The following CAPN11 variants were observed in gnomAD, a reference collection of about 807,000 sequenced individuals.
CAPN11 encodes calpain 11.
In CAPN11, 108 loss-of-function variants were observed where a neutral mutation model predicts 105.3. The ratio of observed to expected loss-of-function variants is 1.03; its 90% CI spans 0.88 to 1.20. The LOEUF (loss-of-function observed/expected upper bound fraction) is 1.20. CAPN11 is among the 50% of genes most tolerant of loss of function. The probability of loss-of-function intolerance (pLI) is 0.00; values close to 1 mark genes in which losing one functional copy is unlikely to be tolerated. For synonymous variants in CAPN11, 329 were observed against 344.5 expected, an observed-to-expected ratio of 0.96 and a Z score of 0.50; for missense variants, 883 against 924.8, an observed-to-expected ratio of 0.95 and a Z score of 0.59.
At chr6:44,181,673 T>TACAC (rs780924378) in intron 19 of CAPN11, among the ~76,000 whole-genome samples, 1 of 3,460 alleles carries the variant, frequency 2.9e-4, no homozygotes, top group Non-Finnish European at 5.3e-4. Context: ...CACACACACA[T>TACAC]ACTCACATAC....
intron 2 of CAPN11, among the ~76,000 whole-genome samples, chr6:44,167,866 T>C (rs1185505714): frequency 3.3e-5 from 5 of 150,996 alleles, no homozygotes; most frequent in Non-Finnish European, 7.4e-5. Context: ...CAGTGAGCCA[T>C]GATCAAGCCA....
chr6:44,180,995 G>A lies in CAPN11; in HGVS notation c.1867G>A (p.Asp623Asn), dbSNP rs746096764. 6.2e-7 allele frequency: 1 copy of A among 1,612,964 alleles called. No homozygotes were observed. Among genetic ancestry groups the A allele is most frequent in the Non-Finnish European group, 8.5e-7 (1 of 1,179,050 alleles). Residue 623 changes from aspartate to asparagine, a missense_variant and splice_region_variant, in exon 18 of 23, where the codon GAT (aspartate) becomes AAT (asparagine). Coordinates refer to ENST00000398776, the MANE Select transcript of CAPN11 (RefSeq NM_007058.4). Reference protein sequence around the residue: ...DACRCMINLMDKDGSGKLGLL... With the variant: ...DACRCMINLMNKDGSGKLGLL... Reference sequence around the variant, plus strand: ...TTGCCGCTGCATGATCAACCTCATGGATGTATCCTCCTGTCCAGTGCTCTC... The same window carrying A: ...TTGCCGCTGCATGATCAACCTCATGAATGTATCCTCCTGTCCAGTGCTCTC...
chr6:44,182,828 C>G, intron 19 of CAPN11, 113 bp from the exon 20 acceptor site: 1 of 733,800 alleles, frequency 1.4e-6, no homozygotes, highest in East Asian at 2.7e-5. Context: ...CCTGCCTCGG[C>G]CTTTCAAAGT....
Position 44,158,868 on chromosome 6 carries a change from G to A in CAPN11, c.16+4G>A. 1 of 1,551,130 alleles carries A rather than the reference G, an allele frequency of 6.4e-7. No homozygotes were observed. Among genetic ancestry groups the A allele is most frequent in the Non-Finnish European group, 8.7e-7 (1 of 1,146,580 alleles). ...ACCAGCATGCTGTACTCCCCAGGTA[G>A]GCACTCATGGGGCCTTGCCCCACTC... On this transcript the variant is annotated splice_donor_region_variant and intron_variant, in intron 1 of 22. Transcript: ENST00000398776.
chr6:44,179,861 C>A, intron 13 of CAPN11, 91 bp from the exon 14 acceptor site: 1 of 1,096,420 alleles, frequency 9.1e-7, no homozygotes, highest in Non-Finnish European at 1.4e-6. Context: ...CACCTACCTC[C>A]AACCCTGCCC....
At position 44,182,991 on chromosome 6, in the gene CAPN11, T is replaced by C. The variant is rs372997353; in HGVS notation, c.1989T>C (p.Tyr663=). 1.9e-6 allele frequency: 3 copies of C among 1,611,816 alleles called. No individual in the cohort carries two copies. The highest frequency in any genetic ancestry group is 2.5e-6 in the Non-Finnish European group (3 of 1,178,566). The change falls in exon 20 of 23, where the codon TAT becomes TAC. Residue 663 remains tyrosine (Y), a synonymous_variant. Coordinates refer to ENST00000398776, the MANE Select transcript of CAPN11 (RefSeq NM_007058.4). ...DQDHSGTLNS[Y]EMRLVIEKAG... ...ACCATTCAGGCACCTTGAACTCCTA[T>C]GAGATGCGCCTGGTTATTGAGAAAG...
At chr6:44,165,546 A>G (rs1035575679) in intron 1 of CAPN11, among the ~76,000 whole-genome samples, 1 of 152,204 alleles carries the variant, frequency 6.6e-6, no homozygotes, top group Admixed American at 6.5e-5. Flanking sequence ...AGGGTGCAGT[A>G]GACAATGCAA....
chr6:44,180,941 T>C lies in CAPN11; in HGVS notation c.1813T>C (p.Phe605Leu). 6.2e-7 allele frequency: 1 copy of C among 1,613,630 alleles called. No homozygotes were observed. Among genetic ancestry groups the C allele is most frequent in the Non-Finnish European group, 8.5e-7 (1 of 1,179,688 alleles). ...LNRMAIKFKS[F>L]KTKGFGLDAC... ...CCTTCCCTTCCTCACAGTCAAAAGC[T>C]TCAAGACCAAGGGCTTTGGCCTGGA... is the stretch of plus-strand genomic sequence containing the variant. The change falls in exon 18 of 23, where the codon TTC (phenylalanine) becomes CTC (leucine). Residue 605 changes from phenylalanine to leucine, a missense_variant. Physicochemically the swap from Phe to Leu is conservative, Grantham distance 22 (BLOSUM62 0). Coordinates refer to ENST00000398776, the MANE Select transcript of CAPN11 (RefSeq NM_007058.4).
In CAPN11 at chr6:44,166,632, T is replaced by G. The variant is rs989208474; in HGVS notation, c.17-126T>G. On this transcript the variant is annotated intron_variant, in intron 1 of 22. Coordinates refer to ENST00000398776, the MANE Select transcript of CAPN11 (RefSeq NM_007058.4). Reference sequence around the variant, plus strand: ...AACCCCAGAACCCTGCTGCCCTCCCTGTAGCTGCGCCCCAACCCAGTTCTT... The same window carrying G: ...AACCCCAGAACCCTGCTGCCCTCCCGGTAGCTGCGCCCCAACCCAGTTCTT... 20 of 708,444 alleles carry G rather than the reference T, an allele frequency of 2.8e-5. No homozygotes were observed. The Admixed American group carries it at 3.4e-4, about 12-fold the overall frequency. The allele number at this position is 708,444 out of a possible 1,614,324, so 43.9% of individuals were successfully genotyped here.
chr6:44,180,694 A>T, intron 16 of CAPN11, 32 bp downstream of exon 16: 1 of 1,613,234 alleles, frequency 6.2e-7, no homozygotes. Context: ...GGCTGACAGG[A>T]GGGGGATGAG....
chr6:44,183,987 G>T lies in CAPN11; in HGVS notation c.*55G>T. 6.5e-7 allele frequency: 1 copy of T among 1,546,208 alleles called. No individual in the cohort carries two copies. The highest frequency in any genetic ancestry group is 8.8e-7 in the Non-Finnish European group (1 of 1,142,636). On this transcript the variant is annotated 3_prime_UTR_variant, in exon 23 of 23. Coordinates refer to ENST00000398776, the MANE Select transcript of CAPN11 (RefSeq NM_007058.4). ...CAGCAGCAGCAGCAGCGAGGTTCTA[G>T]CCCAGGAGGGTGGGGTGCTTCTTGT...
chr6:44,176,708 C>T, intron 10 of CAPN11, 53 bp downstream of exon 10: 2 of 1,559,934 alleles, frequency 1.3e-6, no homozygotes, highest in Admixed American at 1.8e-5. Context: ...CCTGGTCCTT[C>T]ATCTCCCTGC....
Position 44,182,041 on chromosome 6 carries a change from C to CCACA in CAPN11, c.1938+730_1938+733dup, listed in dbSNP as rs768249934. Reference sequence around the variant, plus strand: ...ACACTCACATACAGACACAACCACACCACACACACACATACAGACACAACC... The same window carrying CCACA: ...ACACTCACATACAGACACAACCACACCACACACACACACACATACAGACACAACC... On this transcript the variant is annotated intron_variant, in intron 19 of 22. Transcript: ENST00000398776. Among the ~76,000 whole-genome samples, 3 of 12,350 alleles carry CCACA rather than the reference C, an allele frequency of 2.4e-4. 1 individual carries two copies. In the Admixed American group the frequency reaches 2.6e-3, roughly 11 times the overall value. 8.1% of individuals were successfully genotyped at this position (12,350 alleles called of 152,430 possible).
chr6:44,171,756 T>C (rs1771044055), intron 4 of CAPN11, among the ~76,000 whole-genome samples: 2 of 152,040 alleles, frequency 1.3e-5, no homozygotes, highest in Admixed American at 1.3e-4. Flanking sequence ...AACAAAAGGA[T>C]GTGTCTCTCA....
rs372521717 is a variant in CAPN11 at position 44,171,939 on chromosome 6, G to A, written c.410-363G>A. Among the ~76,000 whole-genome samples, 38 of 152,214 alleles carry A rather than the reference G, an allele frequency of 2.5e-4. 1 individual carries two copies. Among genetic ancestry groups the A allele is most frequent in the African/African-American group, 9.1e-4 (38 of 41,534 alleles). On this transcript the variant is annotated intron_variant, in intron 4 of 22. Coordinates refer to ENST00000398776, the MANE Select transcript of CAPN11 (RefSeq NM_007058.4). ...AAATTAGCCAGGTGGGGTGGCGGGCGCCTGTGGTCCCAGCTACTCAGGAGG... is the reference window on the plus strand; with the variant it reads ...AAATTAGCCAGGTGGGGTGGCGGGCACCTGTGGTCCCAGCTACTCAGGAGG...
At chr6:44,160,606 GA>G (rs1297079561) in intron 1 of CAPN11, among the ~76,000 whole-genome samples, 1 of 152,060 alleles carries the variant, frequency 6.6e-6, no homozygotes, top group Non-Finnish European at 1.5e-5. Context: ...GACAGAGTGA[GA>G]CTCCGCCTCA....
intron 10 of CAPN11, 75 bp downstream of exon 10, chr6:44,176,730 CTG>C: frequency 1.9e-6 from 3 of 1,567,552 alleles, no homozygotes; most frequent in Non-Finnish European, 2.6e-6. Context: ...CCGCTCCTCT[CTG>C]TGCCTTGGAT....
intron 1 of CAPN11, among the ~76,000 whole-genome samples, chr6:44,160,066 G>A (rs1275446628): frequency 2.0e-5 from 3 of 151,978 alleles, no homozygotes; most frequent in African/African-American, 4.8e-5. Flanking sequence ...CCCAGCAAGT[G>A]GAGGTTGCAG....
In CAPN11 at chr6:44,184,183, C is replaced by T. The variant is rs1446680355; in HGVS notation, c.*251C>T. 1.7e-6 allele frequency: 1 copy of T among 576,642 alleles called. No individual in the cohort carries two copies. The highest frequency in any genetic ancestry group is 2.1e-5 in the South Asian group (1 of 46,804). The allele number at this position is 576,642 out of a possible 1,614,324, so 35.7% of individuals were successfully genotyped here. A position where few individuals can be genotyped will look rare whatever the true frequency, so the allele number is the denominator to read the frequency against. ...CTGATGGCTGGCTTTCCCCCACCAT[C>T]GCTCTCTCAGAGTATATTTTACTAA... On this transcript the variant is annotated 3_prime_UTR_variant, in exon 23 of 23. Coordinates refer to ENST00000398776, the MANE Select transcript of CAPN11 (RefSeq NM_007058.4).
Sources: allele counts gnomAD v4.1 joint callset (sites outside exome capture counted in the v4.1 genomes callset), GRCh38; gene constraint gnomAD v4.1.1; transcripts MANE v1.5; gene names NCBI Gene and HGNC (gene_info 2026-07-23, HGNC 2026-07-21).